The following PDE5A variants were observed in gnomAD, a reference collection of about 807,000 sequenced individuals.
The protein encoded by PDE5A is phosphodiesterase 5A, also known as cGMP-specific 3',5'-cyclic phosphodiesterase.
A neutral mutation model predicts 110.2 loss-of-function variants in PDE5A; 67 were observed. That is an observed-to-expected ratio of 0.61 (90% CI 0.50 to 0.75). The LOEUF (loss-of-function observed/expected upper bound fraction) is 0.75, where lower values mean the gene tolerates loss of function less well. PDE5A is among the 30% of genes least tolerant of loss of function. The pLI is 0.00. For synonymous variants in PDE5A, 328 were observed against 351.2 expected, an observed-to-expected ratio of 0.93 and a Z score of 0.74; for missense variants, 862 against 1,045.1, an observed-to-expected ratio of 0.82 and a Z score of 2.42.
At chr4:119,558,937 C>CT (rs1727641441) in intron 7 of PDE5A, among the ~76,000 whole-genome samples, 1 of 109,690 alleles carries the variant, frequency 9.1e-6, no homozygotes, top group African/African-American at 3.4e-5. Flanking sequence ...AAAAAAAAAG[C>CT]TAACTTTAAA....
chr4:119,614,428 A>G (rs1360738113), intron 1 of PDE5A, among the ~76,000 whole-genome samples: 1 of 152,178 alleles, frequency 6.6e-6, no homozygotes, highest in African/African-American at 2.4e-5. Flanking sequence ...TGGCCACTCC[A>G]GTCATTCTAC....
rs756207036 is a variant in PDE5A at position 119,502,636 on chromosome 4, G to C, written c.2351C>G (p.Thr784Ser). 1.5e-5 allele frequency: 24 copies of C among 1,605,076 alleles called. 1 individual carries two copies. The highest frequency in any genetic ancestry group is 1.0e-4 in the Admixed American group (6 of 59,876). ...TCTGTCTCCTTGATCAAAAAATTCA[G>C]TTGCTACAAGTTCTGCTATCTGAAA... ...IQQRIAELVA[T>S]EFFDQGDRER... is the part of the protein sequence containing the mutation. Residue 784 changes from threonine (T) to serine (S), a missense_variant, in exon 19 of 21, where the codon ACT (threonine) becomes AGT (serine). By Grantham distance (58) the Thr-to-Ser change is moderately conservative. Coordinates refer to ENST00000354960, the MANE Select transcript of PDE5A (RefSeq NM_001083.4).
chr4:119,506,178 A>G (rs1488897361), intron 16 of PDE5A, among the ~76,000 whole-genome samples: 1 of 151,902 alleles, frequency 6.6e-6, no homozygotes, highest in Non-Finnish European at 1.5e-5. Flanking sequence ...AATTATGGTA[A>G]TTTCAATTCT....
At chr4:119,545,599 G>A (rs1727104525) in intron 9 of PDE5A, among the ~76,000 whole-genome samples, 1 of 152,170 alleles carries the variant, frequency 6.6e-6, no homozygotes, top group African/African-American at 2.4e-5. Context: ...CTCAGAATGT[G>A]GTCATCACAG....
intron 19 of PDE5A, among the ~76,000 whole-genome samples, chr4:119,502,077 TTCCTC>T (rs552922683): frequency 6.6e-6 from 1 of 152,256 alleles, no homozygotes; most frequent in East Asian, 1.9e-4. Flanking sequence ...CTGGTCATCT[TTCCTC>T]CATGTTTCTT....
rs1428298792 is a variant in PDE5A, at chr4:119,606,701, C to G, written c.741+8G>C. 1 of 1,607,142 alleles carries G rather than the reference C, an allele frequency of 6.2e-7. No individual in the cohort carries two copies. Among genetic ancestry groups the G allele is most frequent in the Non-Finnish European group, 8.5e-7 (1 of 1,174,034 alleles). On this transcript the variant is annotated splice_region_variant and intron_variant, in intron 2 of 20. Coordinates refer to ENST00000354960, the MANE Select transcript of PDE5A (RefSeq NM_001083.4). Reference sequence around the variant, plus strand: ...GCACTGGTCCTGCTCTCATGCTCCCCTGTTTACCTCATATGCATCTTTGAT... The same window carrying G: ...GCACTGGTCCTGCTCTCATGCTCCCGTGTTTACCTCATATGCATCTTTGAT...
At chr4:119,542,946 T>C (rs997882955) in intron 9 of PDE5A, 2 of 232,088 alleles carry the variant, frequency 8.6e-6, no homozygotes, top group African/African-American at 4.6e-5. Context: ...GGAAGCTAAT[T>C]GGATTTTTGT....
At chr4:119,588,615 T>C (rs892283184) in intron 3 of PDE5A, among the ~76,000 whole-genome samples, 1 of 148,972 alleles carries the variant, frequency 6.7e-6, no homozygotes, top group Non-Finnish European at 1.5e-5. Flanking sequence ...TAAATGAAAA[T>C]ATTTTTAAAT....
intron 6 of PDE5A, among the ~76,000 whole-genome samples, chr4:119,561,361 C>T (rs1727740402): frequency 6.6e-6 from 1 of 152,124 alleles, no homozygotes; most frequent in African/African-American, 2.4e-5. Flanking sequence ...TATAAAGTCA[C>T]CTAATTCCTT....
chr4:119,543,045 T>TACACACAC (rs70944890), intron 9 of PDE5A: 7,034 of 124,386 alleles, frequency 0.057, 351 homozygotes, highest in Middle Eastern at 0.091. Context: ...AAGTTAAACA[T>TACACACAC]ACACACACAC....
intron 3 of PDE5A, among the ~76,000 whole-genome samples, chr4:119,575,062 G>A (rs2086450): frequency 0.26 from 39,999 of 152,068 alleles, 5,398 homozygotes; most frequent in East Asian, 0.38. Flanking sequence ...TAGCCGATTC[G>A]ATCAACTGGA....
At chr4:119,556,317 A>G (rs779220039) in intron 7 of PDE5A, among the ~76,000 whole-genome samples, 7 of 152,176 alleles carry the variant, frequency 4.6e-5, no homozygotes, top group Admixed American at 4.6e-4. Flanking sequence ...CAGGTGATAC[A>G]TGCTGTCTGT....
chr4:119,621,517 C>T (rs1730140469), intron 1 of PDE5A, among the ~76,000 whole-genome samples: 1 of 151,960 alleles, frequency 6.6e-6, no homozygotes, highest in Middle Eastern at 3.2e-3. Context: ...AGCACAGGGC[C>T]AAAAGATACA....
At chr4:119,601,212 G>A (rs541194830) in intron 2 of PDE5A, among the ~76,000 whole-genome samples, 61 of 152,270 alleles carry the variant, frequency 4.0e-4, no homozygotes, top group African/African-American at 1.4e-3. Flanking sequence ...CCAACCTTGT[G>A]ATTAGAGGTT....
chr4:119,516,076 A>G (rs1725898662), intron 14 of PDE5A, among the ~76,000 whole-genome samples: 1 of 152,276 alleles, frequency 6.6e-6, no homozygotes, highest in Middle Eastern at 3.4e-3. Flanking sequence ...TGCTTACCTC[A>G]TGGTGCTCCT....
chr4:119,536,695 T>C (rs1173632290), intron 11 of PDE5A, among the ~76,000 whole-genome samples: 2 of 152,168 alleles, frequency 1.3e-5, no homozygotes, highest in South Asian at 2.1e-4. Flanking sequence ...AGTTTCTTAC[T>C]CATGGATTTA....
chr4:119,527,509 G>A (rs1409747230), intron 11 of PDE5A, among the ~76,000 whole-genome samples: 1 of 152,062 alleles, frequency 6.6e-6, no homozygotes, highest in Non-Finnish European at 1.5e-5. Context: ...AAAGGCTTGG[G>A]ATAAAGGTGA....
chr4:119,585,013 C>T (rs571548024), intron 3 of PDE5A, among the ~76,000 whole-genome samples: 27 of 152,306 alleles, frequency 1.8e-4, no homozygotes, highest in Non-Finnish European at 2.6e-4. Flanking sequence ...CGGTGGCTCA[C>T]GCCTGTAATC....
rs937447788 is a variant in PDE5A at position 119,585,693 on chromosome 4, T to G, written c.831+10830A>C. Among the ~76,000 whole-genome samples the G allele has an allele frequency of 2.6e-5, 4 of 152,222 alleles. 1 individual carries two copies. Among genetic ancestry groups the G allele is most frequent in the Non-Finnish European group, 5.9e-5 (4 of 68,030 alleles). On this transcript the variant is annotated intron_variant, in intron 3 of 20. Coordinates refer to ENST00000354960, the MANE Select transcript of PDE5A (RefSeq NM_001083.4). ...CCACAAATTCTCTGATACTACTCCTTTCAAGAGCTGGAGCCTAATTCCCTT... is the reference window on the plus strand; with the variant it reads ...CCACAAATTCTCTGATACTACTCCTGTCAAGAGCTGGAGCCTAATTCCCTT...
Sources: allele counts gnomAD v4.1 joint callset (sites outside exome capture counted in the v4.1 genomes callset), GRCh38; gene constraint gnomAD v4.1.1; transcripts MANE v1.5; gene names NCBI Gene and HGNC (gene_info 2026-07-23, HGNC 2026-07-21).